The following LRRC37A2 variants were observed in gnomAD, a reference collection of about 807,000 sequenced individuals.
LRRC37A2 encodes leucine-rich repeat-containing protein 37A2.
LRRC37A2 carries 9 observed loss-of-function variants against 68.8 expected under a neutral mutation model. The ratio of observed to expected loss-of-function variants is 0.13; its 90% CI spans 0.08 to 0.23. The LOEUF is 0.23. Ranked by LOEUF, LRRC37A2 falls within the 10% of genes least tolerant of loss-of-function variation. The pLI, the probability that LRRC37A2 is intolerant of heterozygous loss-of-function variation, is 1.00. For missense variants in LRRC37A2, 168 were observed against 950.4 expected, an observed-to-expected ratio of 0.18 and a Z score of 10.82; for synonymous variants, 63 against 367.6, an observed-to-expected ratio of 0.17 and a Z score of 9.48.
chr17:46,610,064 T>C, the LRRC37A2 span, among the ~76,000 whole-genome samples: 11 of 135,944 alleles, frequency 8.1e-5, no homozygotes, highest in Middle Eastern at 3.7e-3. Flanking sequence ...TCTTTCTTTC[T>C]TTCCTTTCTT....
chr17:46,740,956 G>A, the LRRC37A2 span, among the ~76,000 whole-genome samples: 1 of 152,162 alleles, frequency 6.6e-6, no homozygotes, highest in Non-Finnish European at 1.5e-5. Context: ...TAAGAGCACA[G>A]AGGTCATTAT....
At chr17:46,826,105 G>A in the LRRC37A2 span, among the ~76,000 whole-genome samples, 1 of 152,226 alleles carries the variant, frequency 6.6e-6, no homozygotes, top group Non-Finnish European at 1.5e-5. Flanking sequence ...CTTTTGTGGG[G>A]GCACATTAGG....
At chr17:46,847,067 C>G in the LRRC37A2 span, among the ~76,000 whole-genome samples, 1 of 152,200 alleles carries the variant, frequency 6.6e-6, no homozygotes, top group African/African-American at 2.4e-5. Flanking sequence ...TTATAAATGT[C>G]AAACATTCTT....
At chr17:46,944,314 A>T in the LRRC37A2 span, among the ~76,000 whole-genome samples, 2 of 152,240 alleles carry the variant, frequency 1.3e-5, no homozygotes, top group Non-Finnish European at 1.5e-5. Flanking sequence ...CAGGATGCAG[A>T]GCCTGGCTTC....
the LRRC37A2 span, among the ~76,000 whole-genome samples, chr17:46,954,809 A>T: frequency 3.0e-4 from 46 of 152,220 alleles, no homozygotes; most frequent in Non-Finnish European, 5.3e-4. Context: ...GAGTTCACTC[A>T]TGATTTGGCT....
the LRRC37A2 span, among the ~76,000 whole-genome samples, chr17:46,818,222 C>T: frequency 6.6e-6 from 1 of 151,936 alleles, no homozygotes; most frequent in East Asian, 1.9e-4. Context: ...TCGGGGGCCT[C>T]TAGATTGGGA....
chr17:46,810,798 A>T, the LRRC37A2 span, among the ~76,000 whole-genome samples: 2 of 152,120 alleles, frequency 1.3e-5, no homozygotes, highest in African/African-American at 4.8e-5. Context: ...CCAGCAGCTT[A>T]TCCAACTCTC....
the LRRC37A2 span, among the ~76,000 whole-genome samples, chr17:47,034,014 A>G: frequency 6.6e-6 from 1 of 152,144 alleles, no homozygotes; most frequent in African/African-American, 2.4e-5. Flanking sequence ...TGAACCAGAA[A>G]TGGAAATGAT....
At chr17:46,988,246 T>G in the LRRC37A2 span, among the ~76,000 whole-genome samples, 1 of 152,212 alleles carries the variant, frequency 6.6e-6, no homozygotes, top group African/African-American at 2.4e-5. Context: ...ACATATACTG[T>G]ATGATTCCAT....
At chr17:46,927,369 T>C in the LRRC37A2 span, among the ~76,000 whole-genome samples, 1 of 152,254 alleles carries the variant, frequency 6.6e-6, no homozygotes, top group East Asian at 1.9e-4. Context: ...TTTTTTGTTT[T>C]CATGTTGTCA....
the LRRC37A2 span, among the ~76,000 whole-genome samples, chr17:46,492,952 C>G: frequency 2.0e-5 from 3 of 149,762 alleles, no homozygotes; most frequent in East Asian, 5.9e-4. Flanking sequence ...CCTCGGCCTC[C>G]CAAAGTGCTG....
the LRRC37A2 span, among the ~76,000 whole-genome samples, chr17:46,802,980 A>C: frequency 1.3e-5 from 2 of 152,230 alleles, no homozygotes; most frequent in African/African-American, 2.4e-5. Context: ...CATGTAAAGC[A>C]GCCTGGGGCT....
At chr17:46,809,881 C>A in the LRRC37A2 span, among the ~76,000 whole-genome samples, 1 of 152,168 alleles carries the variant, frequency 6.6e-6, no homozygotes, top group Non-Finnish European at 1.5e-5. Context: ...TGTCCAGCCC[C>A]ACTTCTTCCT....
chr17:46,932,327 A>T, the LRRC37A2 span: 1 of 1,082,488 alleles, frequency 9.2e-7, no homozygotes. Flanking sequence ...CCAACTGGAA[A>T]TGACAGGAAC....
the LRRC37A2 span, among the ~76,000 whole-genome samples, chr17:46,910,843 C>T: frequency 2.0e-5 from 3 of 152,322 alleles, no homozygotes; most frequent in African/African-American, 4.8e-5. Flanking sequence ...CTTGAGCCCA[C>T]GGTCAGCTCA....
chr17:46,493,538 T>C, the LRRC37A2 span, among the ~76,000 whole-genome samples: 6 of 45,114 alleles, frequency 1.3e-4, no homozygotes, highest in Admixed American at 1.1e-3. Context: ...TTTTATTTTA[T>C]TTATTTATTT....
the LRRC37A2 span, chr17:46,938,577 T>C: frequency 6.2e-7 from 1 of 1,613,938 alleles, no homozygotes; most frequent in African/African-American, 1.3e-5. Flanking sequence ...TTTGTTTTTT[T>C]TTCTGTTCTC....
chr17:47,023,887 G>A, the LRRC37A2 span, among the ~76,000 whole-genome samples: 2 of 152,040 alleles, frequency 1.3e-5, no homozygotes, highest in South Asian at 2.1e-4. Flanking sequence ...GAGCCACCAC[G>A]CCAGGCCAGA....
chr17:46,528,715 A>T lies in LRRC37A2; in HGVS notation c.2906+4831A>T, dbSNP rs1598360181. ...ACTCCAGCCTGGGCAACAGAGTGAG[A>T]CTTCATCTCAAAAAAAAAAAAAAAA... On this transcript the variant is annotated intron_variant, in intron 6 of 14. Transcript: ENST00000576629. The T allele has an allele frequency of 4.1e-5, 27 of 662,212 alleles. 1 individual carries two copies. The highest frequency in any genetic ancestry group is 2.5e-4 in the African/African-American group (12 of 48,344). The allele number at this position is 662,212 out of a possible 1,614,324, so 41.0% of individuals were successfully genotyped here. A position where few individuals can be genotyped will look rare whatever the true frequency, so the allele number is the denominator to read the frequency against.
Sources: gnomAD v4.1 joint callset for allele counts (sites outside exome capture counted in the v4.1 genomes callset) on GRCh38, gnomAD v4.1.1 for gene constraint, MANE v1.5 for transcripts, NCBI Gene and HGNC (gene_info 2026-07-23, HGNC 2026-07-21) for gene names.